Variants in PIGU observed in about 807,000 individuals in gnomAD.
The protein encoded by PIGU is phosphatidylinositol glycan anchor biosynthesis class U, also known as GPI-anchor transamidase component PIGU.
PIGU carries 24 observed loss-of-function variants against 49.9 expected under a neutral mutation model. The observed-to-expected ratio is 0.48, with a 90% CI of 0.35 to 0.68. The LOEUF (loss-of-function observed/expected upper bound fraction) is 0.68, where lower values mean the gene tolerates loss of function less well. Among genes scored for constraint, PIGU ranks in the 30% least tolerant of loss-of-function variants. The pLI, the probability that PIGU is intolerant of heterozygous loss-of-function variation, is 0.01. For synonymous variants in PIGU, 220 were observed against 205.7 expected (o/e 1.07, Z -0.59); for missense variants, 490 against 532.6 (o/e 0.92, Z 0.79).
chr20:34,577,054 C>T (rs537042776), intron 10 of PIGU, among the ~76,000 whole-genome samples: 187 of 152,208 alleles, frequency 1.2e-3, no homozygotes, highest in African/African-American at 4.3e-3. Flanking sequence ...CTTTTTCCCC[C>T]GTTTTAACTC....
At chr20:34,604,477 T>C (rs549347334) in intron 7 of PIGU, among the ~76,000 whole-genome samples, 11 of 152,196 alleles carry the variant, frequency 7.2e-5, no homozygotes, top group Non-Finnish European at 1.6e-4. Context: ...ATGACAGATA[T>C]ATTAGAGGAA....
rs182110294 is a variant in PIGU, at chr20:34,656,714, C to G, written c.195+466G>C. Reference sequence around the variant, plus strand: ...CCAGGAGGTCAAGGCTGCAGTGAACCGTGATTGTGTCACTGCACTCTAGCC... The same window carrying G: ...CCAGGAGGTCAAGGCTGCAGTGAACGGTGATTGTGTCACTGCACTCTAGCC... On this transcript the variant is annotated intron_variant, in intron 2 of 11. Coordinates refer to ENST00000217446, the MANE Select transcript of PIGU (RefSeq NM_080476.5). Among the ~76,000 whole-genome samples the G allele has an allele frequency of 8.1e-3, 1,212 of 148,886 alleles. 25 individuals are homozygous for G. Among genetic ancestry groups the G allele is most frequent in the African/African-American group, 0.029 (1,171 of 40,222 alleles).
intron 1 of PIGU, among the ~76,000 whole-genome samples, chr20:34,659,028 A>C (rs1234221200): frequency 7.9e-6 from 1 of 126,136 alleles, no homozygotes; most frequent in African/African-American, 3.0e-5. Flanking sequence ...CCTACTGGGA[A>C]GTGAGGAGCC....
intron 11 of PIGU, among the ~76,000 whole-genome samples, chr20:34,570,881 A>G (rs1005848280): frequency 3.3e-5 from 5 of 152,288 alleles, no homozygotes; most frequent in South Asian, 2.1e-4. Context: ...CTGACTCACA[A>G]AATAAAAGGG....
intron 7 of PIGU, among the ~76,000 whole-genome samples, chr20:34,609,002 G>C (rs1469675528): frequency 1.3e-5 from 2 of 152,112 alleles, no homozygotes; most frequent in Non-Finnish European, 2.9e-5. Context: ...ATAATTTTAG[G>C]CTGGTTGTGG....
At chr20:34,667,968 G>T (rs1307492827) in intron 1 of PIGU, among the ~76,000 whole-genome samples, 1 of 152,036 alleles carries the variant, frequency 6.6e-6, no homozygotes, top group Admixed American at 6.6e-5. Context: ...CCAATGCACT[G>T]AGAGGACCAT....
intron 6 of PIGU, among the ~76,000 whole-genome samples, chr20:34,623,881 T>G (rs1985349949): frequency 6.6e-6 from 1 of 152,128 alleles, no homozygotes; most frequent in African/African-American, 2.4e-5. Context: ...ACTGAGTCCT[T>G]GAGTCCTCTA....
chr20:34,625,384 A>AC (rs1439790500), intron 6 of PIGU, among the ~76,000 whole-genome samples: 98 of 147,954 alleles, frequency 6.6e-4, no homozygotes, highest in Non-Finnish European at 1.2e-3. Context: ...AAAAAAAAAC[A>AC]AAAAAAAAAA....
intron 1 of PIGU, among the ~76,000 whole-genome samples, chr20:34,657,937 TCCCTCTCCCTCA>T (rs989453170): frequency 7.9e-5 from 12 of 151,930 alleles, no homozygotes; most frequent in Admixed American, 1.3e-4. Context: ...CCTCTCCCTC[TCCCTCTCCCTCA>T]CCCTCTCCCT....
At chr20:34,638,676 AGAG>A (rs1385095472) in intron 4 of PIGU, among the ~76,000 whole-genome samples, 2 of 152,178 alleles carry the variant, frequency 1.3e-5, no homozygotes, top group African/African-American at 4.8e-5. Flanking sequence ...TTACTTCCAC[AGAG>A]GAGGCGTAGA....
At chr20:34,636,776 A>G (rs2146762769) in intron 5 of PIGU, among the ~76,000 whole-genome samples, 1 of 152,298 alleles carries the variant, frequency 6.6e-6, no homozygotes. Flanking sequence ...ACTATTCACA[A>G]ATAAAGACCT....
At chr20:34,619,128 A>T (rs1030302830) in intron 6 of PIGU, among the ~76,000 whole-genome samples, 4 of 152,206 alleles carry the variant, frequency 2.6e-5, no homozygotes, top group Non-Finnish European at 5.9e-5. Flanking sequence ...GAGAAGCTAG[A>T]AGTAATAGGA....
intron 6 of PIGU, among the ~76,000 whole-genome samples, chr20:34,634,304 T>C (rs1377359577): frequency 6.6e-6 from 1 of 152,108 alleles, no homozygotes; most frequent in African/African-American, 2.4e-5. Context: ...TCTTCTGGGC[T>C]CAAGTGATCT....
chr20:34,630,460 C>T (rs571483897), intron 6 of PIGU, among the ~76,000 whole-genome samples: 3 of 152,254 alleles, frequency 2.0e-5, no homozygotes, highest in Non-Finnish European at 4.4e-5. Context: ...CAGAGGATTC[C>T]TCTTTGGGAA....
chr20:34,657,917 T>C (rs1055144916), intron 1 of PIGU, among the ~76,000 whole-genome samples: 18 of 151,856 alleles, frequency 1.2e-4, no homozygotes, highest in Non-Finnish European at 2.1e-4. Context: ...GTGTTATAAA[T>C]AATAAATAAC....
rs143791276 is a variant in PIGU at position 34,645,753 on chromosome 20, C to T, written c.196-419G>A. On this transcript the variant is annotated intron_variant, in intron 2 of 11. Coordinates refer to ENST00000217446, the MANE Select transcript of PIGU (RefSeq NM_080476.5). ...CTACTAAAAATACAAAAAAATTAGC[C>T]GGGCGTGGTGGCGGGCGCCTGTAGT... is the stretch of plus-strand genomic sequence containing the variant. 6.7e-3 allele frequency among the ~76,000 whole-genome samples: 1,012 copies of T among 152,116 alleles called. 6 individuals are homozygous for T. Among genetic ancestry groups the T allele is most frequent in the Non-Finnish European group, 0.011 (774 of 67,990 alleles).
intron 10 of PIGU, among the ~76,000 whole-genome samples, chr20:34,580,653 T>A (rs954972396): frequency 3.3e-5 from 5 of 152,232 alleles, no homozygotes; most frequent in Non-Finnish European, 7.3e-5. Context: ...TGACACTGCC[T>A]CTTTATTGGG....
At chr20:34,634,074 T>C (rs1287109453) in intron 6 of PIGU, among the ~76,000 whole-genome samples, 6 of 151,638 alleles carry the variant, frequency 4.0e-5, no homozygotes, top group Non-Finnish European at 7.4e-5. Flanking sequence ...TTAGAACCTT[T>C]TTTAATTTTT....
At chr20:34,583,302 T>C (rs2146707763) in intron 9 of PIGU, among the ~76,000 whole-genome samples, 1 of 152,306 alleles carries the variant, frequency 6.6e-6, no homozygotes, top group Admixed American at 6.5e-5. Context: ...AACATTTCTA[T>C]GAAAAGGCTG....
Sources: allele counts gnomAD v4.1 joint callset (sites outside exome capture counted in the v4.1 genomes callset), GRCh38; gene constraint gnomAD v4.1.1; transcripts MANE v1.5; gene names NCBI Gene and HGNC (gene_info 2026-07-23, HGNC 2026-07-21).